The following ARHGAP15 variants were observed in gnomAD, a reference collection of about 807,000 sequenced individuals.
The protein encoded by ARHGAP15 is rho GTPase-activating protein 15.
Under a neutral mutation model 63.7 loss-of-function variants are expected in ARHGAP15, and 51 were observed. That is an observed-to-expected ratio of 0.80 (90% confidence interval 0.64 to 1.01). The LOEUF is 1.01. ARHGAP15 is among the 50% of genes least tolerant of loss of function. The pLI, the probability that ARHGAP15 is intolerant of heterozygous loss-of-function variation, is 0.00. For missense variants in ARHGAP15, 560 were observed against 564.6 expected, an observed-to-expected ratio of 0.99 and a Z score of 0.08; for synonymous variants, 191 against 193.8, an observed-to-expected ratio of 0.99 and a Z score of 0.12.
intron 6 of ARHGAP15, among the ~76,000 whole-genome samples, chr2:143,360,477 A>G (rs1337909278): frequency 6.6e-6 from 1 of 151,590 alleles, no homozygotes; most frequent in African/African-American, 2.4e-5. Flanking sequence ...CTTAAAAGCA[A>G]CAAGTCAACA....
chr2:143,305,998 T>A (rs1683151546), intron 6 of ARHGAP15, among the ~76,000 whole-genome samples: 1 of 152,168 alleles, frequency 6.6e-6, no homozygotes, highest in African/African-American at 2.4e-5. Context: ...AAAAATAGTT[T>A]GTGAGAGGTA....
chr2:143,366,663 TTTA>T (rs1294900657), intron 6 of ARHGAP15, among the ~76,000 whole-genome samples: 1 of 152,080 alleles, frequency 6.6e-6, no homozygotes. Context: ...TATGTTTCAG[TTTA>T]TTATTTGAAG....
At chr2:143,757,257 C>T (rs1034984586) in intron 13 of ARHGAP15, among the ~76,000 whole-genome samples, 13 of 152,262 alleles carry the variant, frequency 8.5e-5, no homozygotes, top group Non-Finnish European at 1.3e-4. Flanking sequence ...CGCCTGTAAT[C>T]CCGGCACTGT....
At chr2:143,334,132 A>G (rs1684669282) in intron 6 of ARHGAP15, among the ~76,000 whole-genome samples, 1 of 152,206 alleles carries the variant, frequency 6.6e-6, no homozygotes. Flanking sequence ...CATTTGCAGT[A>G]TAGACCATAC....
intron 3 of ARHGAP15, among the ~76,000 whole-genome samples, chr2:143,212,580 G>A (rs530177257): frequency 6.6e-6 from 1 of 152,228 alleles, no homozygotes; most frequent in East Asian, 1.9e-4. Flanking sequence ...TAGACCTAGA[G>A]CTGTAAGTAA....
At chr2:143,297,472 C>T (rs940471137) in intron 6 of ARHGAP15, among the ~76,000 whole-genome samples, 1 of 151,950 alleles carries the variant, frequency 6.6e-6, no homozygotes, top group Non-Finnish European at 1.5e-5. Flanking sequence ...TGATCTTTTG[C>T]CTGTTGTCTG....
At chr2:143,354,180 T>C (rs1336980614) in intron 6 of ARHGAP15, among the ~76,000 whole-genome samples, 2 of 152,122 alleles carry the variant, frequency 1.3e-5, no homozygotes, top group Non-Finnish European at 2.9e-5. Flanking sequence ...AGGGAACTGG[T>C]AAGCTCTGAG....
rs1297693261 is a variant in ARHGAP15 at position 143,556,393 on chromosome 2, C to A, written c.926-15C>A. ...CCTATATGTGCTAATATAAAATATG[C>A]CCTTTTGTCTTCAGGTCTAGATGTT... On this transcript the variant is annotated splice_polypyrimidine_tract_variant and intron_variant, in intron 10 of 13. Transcript: ENST00000295095. The A allele has an allele frequency of 2.5e-6, 4 of 1,581,356 alleles. No homozygotes were observed. The highest frequency in any genetic ancestry group is 2.6e-6 in the Non-Finnish European group (3 of 1,160,470).
chr2:143,264,603 C>A (rs749023139), intron 6 of ARHGAP15, among the ~76,000 whole-genome samples: 28 of 151,956 alleles, frequency 1.8e-4, no homozygotes, highest in Non-Finnish European at 3.5e-4. Context: ...AATGACAGTC[C>A]CGGGCTTGTG....
chr2:143,160,621 A>G (rs1234346298), intron 2 of ARHGAP15, among the ~76,000 whole-genome samples: 1 of 152,010 alleles, frequency 6.6e-6, no homozygotes, highest in African/African-American at 2.4e-5. Flanking sequence ...ACAAACAAAT[A>G]AGCATGAAAT....
At chr2:143,553,450 C>T (rs1695659074) in intron 10 of ARHGAP15, among the ~76,000 whole-genome samples, 1 of 152,122 alleles carries the variant, frequency 6.6e-6, no homozygotes, top group Admixed American at 6.5e-5. Flanking sequence ...ATATGTTTTG[C>T]TTTACTCCCT....
intron 11 of ARHGAP15, among the ~76,000 whole-genome samples, chr2:143,578,548 C>T (rs987231581): frequency 2.6e-5 from 4 of 151,962 alleles, no homozygotes; most frequent in Admixed American, 1.3e-4. Flanking sequence ...GCGCCAATGG[C>T]GCTCTATACA....
At chr2:143,572,343 C>T (rs1244156900) in intron 11 of ARHGAP15, among the ~76,000 whole-genome samples, 1 of 152,148 alleles carries the variant, frequency 6.6e-6, no homozygotes, top group South Asian at 2.1e-4. Flanking sequence ...CTGTAAGACA[C>T]TGAGTCTTAC....
chr2:143,659,304 GA>G (rs1343435126), intron 12 of ARHGAP15, among the ~76,000 whole-genome samples: 2 of 152,174 alleles, frequency 1.3e-5, no homozygotes, highest in African/African-American at 4.8e-5. Context: ...CATAGGGGGT[GA>G]TGGACATGTT....
chr2:143,420,877 A>T lies in ARHGAP15; in HGVS notation c.475-14724A>T, dbSNP rs191515196. ...GCATTAATGGGAATTTAAGAAGGAG[A>T]GGCCATAACACTATTAAAATGTTTA... On this transcript the variant is annotated intron_variant, in intron 6 of 13. Transcript: ENST00000295095. 4.6e-5 allele frequency among the ~76,000 whole-genome samples: 7 copies of T among 152,284 alleles called. No homozygotes were observed. The East Asian group carries it at 9.6e-4, about 21-fold the overall frequency.
intron 6 of ARHGAP15, among the ~76,000 whole-genome samples, chr2:143,367,960 A>G (rs1290512273): frequency 6.6e-6 from 1 of 152,104 alleles, no homozygotes; most frequent in African/African-American, 2.4e-5. Flanking sequence ...AGAAAAGGGT[A>G]GTTTATTGAA....
intron 8 of ARHGAP15, among the ~76,000 whole-genome samples, chr2:143,446,581 G>A (rs1690147002): frequency 6.6e-6 from 1 of 151,630 alleles, no homozygotes; most frequent in South Asian, 2.1e-4. Flanking sequence ...AGCCTGACAC[G>A]ATGGCAATCT....
chr2:143,376,390 T>C (rs771080452), intron 6 of ARHGAP15, among the ~76,000 whole-genome samples: 2 of 152,194 alleles, frequency 1.3e-5, no homozygotes, highest in East Asian at 3.8e-4. Flanking sequence ...GTTCAAGTAT[T>C]AACATTCATT....
Position 143,618,839 on chromosome 2 carries a change from T to G in ARHGAP15, c.1004-5294T>G, listed in dbSNP as rs542173142. ...AGAGGAAAGGGGTAAACTCCTTTTT[T>G]TTTTTCCTTTGAGACGGAGTCTCGC... On this transcript the variant is annotated intron_variant, in intron 11 of 13. Coordinates refer to ENST00000295095, the MANE Select transcript of ARHGAP15 (RefSeq NM_018460.4). 2.4e-4 allele frequency among the ~76,000 whole-genome samples: 37 copies of G among 151,928 alleles called. 1 individual carries two copies. The highest frequency in any genetic ancestry group is 3.4e-3 in the Middle Eastern group (1 of 292).
Sources: gnomAD v4.1 joint callset for allele counts (sites outside exome capture counted in the v4.1 genomes callset) on GRCh38, gnomAD v4.1.1 for gene constraint, MANE v1.5 for transcripts, NCBI Gene and HGNC (gene_info 2026-07-23, HGNC 2026-07-21) for gene names.